Variants in RSPO2 observed in about 807,000 individuals in gnomAD.
The protein encoded by RSPO2 is R-spondin-2.
RSPO2 carries 14 observed loss-of-function variants against 30.9 expected under a neutral mutation model. The observed-to-expected ratio is 0.45, with a 90% confidence interval of 0.30 to 0.71. RSPO2 has a LOEUF of 0.71. Among genes scored for constraint, RSPO2 ranks in the 30% least tolerant of loss-of-function variants. The pLI is 0.08. For missense variants in RSPO2, 264 were observed against 301.9 expected, an observed-to-expected ratio of 0.87 and a Z score of 0.93; for synonymous variants, 107 against 96.4, an observed-to-expected ratio of 1.11 and a Z score of -0.64.
At chr8:108,008,670 A>G (rs1310642094) in intron 2 of RSPO2, among the ~76,000 whole-genome samples, 1 of 152,112 alleles carries the variant, frequency 6.6e-6, no homozygotes, top group Non-Finnish European at 1.5e-5. Context: ...TTTAAAATGT[A>G]CCCTAATTTC....
chr8:107,991,951 T>C (rs1814860625), intron 2 of RSPO2, among the ~76,000 whole-genome samples: 1 of 152,120 alleles, frequency 6.6e-6, no homozygotes, highest in South Asian at 2.1e-4. Context: ...GTACATTAGT[T>C]CAACCATTAT....
At position 107,972,077 on chromosome 8, in the gene RSPO2, CAG is replaced by C. The variant is rs1814018628; in HGVS notation, c.284-11262_284-11261del. Reference sequence around the variant, plus strand: ...ATCTCAGCATGGGGGCCTGACATGACAGATGATGATAGATGTATCTGCTGAAT... The same window carrying C: ...ATCTCAGCATGGGGGCCTGACATGACATGATGATAGATGTATCTGCTGAAT... On this transcript the variant is annotated intron_variant, in intron 3 of 5. Coordinates refer to ENST00000276659, the MANE Select transcript of RSPO2 (RefSeq NM_178565.5). Among the ~76,000 whole-genome samples, 3 of 152,122 alleles carry C rather than the reference CAG, an allele frequency of 2.0e-5. No individual in the cohort carries two copies. In the South Asian group the frequency reaches 6.2e-4, roughly 32 times the overall value.
In RSPO2 at chr8:107,900,336, A is replaced by AG. The variant is rs1016466610; in HGVS notation, c.*738dup. ...TACAATGAGAAATAAGCCCACAATG[A>AG]GGGGAAAAAAAAAAAGTTTCAAGAG... On this transcript the variant is annotated 3_prime_UTR_variant, in exon 6 of 6. Coordinates refer to ENST00000276659, the MANE Select transcript of RSPO2 (RefSeq NM_178565.5). 4 of 152,010 alleles carry AG rather than the reference A, an allele frequency of 2.6e-5. No homozygotes were observed. The highest frequency in any genetic ancestry group is 1.5e-5 in the Non-Finnish European group (1 of 67,958). 9.4% of individuals were successfully genotyped at this position (152,010 alleles called of 1,614,324 possible).
intron 3 of RSPO2, among the ~76,000 whole-genome samples, chr8:107,981,058 G>T (rs1347231603): frequency 2.6e-5 from 4 of 152,190 alleles, no homozygotes; most frequent in Admixed American, 2.0e-4. Flanking sequence ...ATATTTGGAA[G>T]TCTGTATCTT....
At chr8:107,906,932 A>T (rs966377) in intron 5 of RSPO2, among the ~76,000 whole-genome samples, 1 of 151,556 alleles carries the variant, frequency 6.6e-6, no homozygotes, top group Non-Finnish European at 1.5e-5. Context: ...TTTTAAATCT[A>T]CTCTTTGCAA....
At chr8:108,024,967 C>T (rs186873874) in intron 2 of RSPO2, among the ~76,000 whole-genome samples, 49 of 152,052 alleles carry the variant, frequency 3.2e-4, no homozygotes, top group African/African-American at 1.1e-3. Context: ...GGCAGCGAGC[C>T]GAGATCATGC....
chr8:108,064,671 G>C (rs967135664), intron 2 of RSPO2, among the ~76,000 whole-genome samples: 2 of 152,080 alleles, frequency 1.3e-5, no homozygotes, highest in South Asian at 2.1e-4. Context: ...TCTCATTACT[G>C]GGTATATACC....
At chr8:107,938,707 T>G (rs563076409) in intron 5 of RSPO2, among the ~76,000 whole-genome samples, 1 of 152,292 alleles carries the variant, frequency 6.6e-6, no homozygotes, top group East Asian at 1.9e-4. Context: ...AATAAAGATC[T>G]GGCCAGCCAA....
chr8:107,980,217 T>C lies in RSPO2; in HGVS notation c.283+8839A>G, dbSNP rs751202020. On this transcript the variant is annotated intron_variant, in intron 3 of 5. Transcript: ENST00000276659. ...CCCTCACAGTTCTTAGCACATTCAA[T>C]TCCATTCCATTTTTTTTTTAATAAA... is the stretch of plus-strand genomic sequence containing the variant. 1.2e-4 allele frequency among the ~76,000 whole-genome samples: 18 copies of C among 152,266 alleles called. 1 individual carries two copies. The highest frequency in any genetic ancestry group is 3.4e-3 in the Middle Eastern group (1 of 294).
chr8:107,956,107 C>CAA (rs1813427000), intron 5 of RSPO2, among the ~76,000 whole-genome samples: 1 of 152,134 alleles, frequency 6.6e-6, no homozygotes, highest in African/African-American at 2.4e-5. Context: ...AATCGGTGCT[C>CAA]AAGTTACAAA....
At chr8:108,019,770 A>T (rs1234645094) in intron 2 of RSPO2, among the ~76,000 whole-genome samples, 1 of 152,122 alleles carries the variant, frequency 6.6e-6, no homozygotes, top group Non-Finnish European at 1.5e-5. Flanking sequence ...TAATAGTGAC[A>T]TTTTTCTGAC....
intron 3 of RSPO2, among the ~76,000 whole-genome samples, chr8:107,980,579 G>C (rs1022859759): frequency 3.3e-5 from 5 of 152,122 alleles, no homozygotes; most frequent in Non-Finnish European, 5.9e-5. Context: ...TCAGAATACA[G>C]TCCCTGAATT....
At chr8:107,904,344 G>T (rs1811571089) in intron 5 of RSPO2, among the ~76,000 whole-genome samples, 1 of 146,466 alleles carries the variant, frequency 6.8e-6, no homozygotes, top group African/African-American at 2.5e-5. Flanking sequence ...AATAGATACT[G>T]CCCAGGATCA....
rs75306742 is a variant in RSPO2, at chr8:107,980,234, T to G, written c.283+8822A>C. ...ACATTCAATTCCATTCCATTTTTTT[T>G]TTAATAAAAACACACATTGGCCCTG... On this transcript the variant is annotated intron_variant, in intron 3 of 5. Transcript: ENST00000276659. Among the ~76,000 whole-genome samples, 1,090 of 152,284 alleles carry G rather than the reference T, an allele frequency of 7.2e-3. 6 individuals are homozygous for G. The highest frequency in any genetic ancestry group is 0.025 in the African/African-American group (1,031 of 41,560).
At chr8:107,978,691 A>G (rs1814306622) in intron 3 of RSPO2, among the ~76,000 whole-genome samples, 2 of 152,364 alleles carry the variant, frequency 1.3e-5, no homozygotes, top group South Asian at 4.1e-4. Flanking sequence ...GAATCTAATT[A>G]AACTAAAGAG....
intron 2 of RSPO2, among the ~76,000 whole-genome samples, chr8:108,071,504 A>G (rs957139694): frequency 3.9e-5 from 6 of 152,162 alleles, no homozygotes; most frequent in African/African-American, 1.4e-4. Flanking sequence ...AAGTTTCTCA[A>G]TTGCACTATG....
chr8:108,015,599 T>C (rs547853880), intron 2 of RSPO2, among the ~76,000 whole-genome samples: 1 of 152,186 alleles, frequency 6.6e-6, no homozygotes, highest in African/African-American at 2.4e-5. Context: ...TTCTGACCAC[T>C]CTTGATATCT....
intron 2 of RSPO2, among the ~76,000 whole-genome samples, chr8:108,011,240 G>A (rs1296963812): frequency 2.3e-5 from 3 of 131,206 alleles, no homozygotes; most frequent in African/African-American, 6.5e-5. Context: ...AAAGGAAAAG[G>A]AAAGGAAAGG....
At chr8:107,906,679 G>A (rs765948149) in intron 5 of RSPO2, among the ~76,000 whole-genome samples, 55 of 151,952 alleles carry the variant, frequency 3.6e-4, no homozygotes, top group Non-Finnish European at 6.8e-4. Context: ...AGCAGTTCAA[G>A]TGGGCAAATA....
Sources: allele counts gnomAD v4.1 joint callset (sites outside exome capture counted in the v4.1 genomes callset), GRCh38; gene constraint gnomAD v4.1.1; transcripts MANE v1.5; gene names NCBI Gene and HGNC (gene_info 2026-07-23, HGNC 2026-07-21).